TRABD2B: variants seen among roughly 807,000 people sequenced by gnomAD.
The protein encoded by TRABD2B is metalloprotease TIKI2.
A neutral mutation model predicts 40.1 loss-of-function variants in TRABD2B; 14 were observed. The ratio of observed to expected loss-of-function variants is 0.35; its 90% CI spans 0.23 to 0.55. The LOEUF (loss-of-function observed/expected upper bound fraction) is 0.55. TRABD2B is among the 20% of genes least tolerant of loss of function. The pLI, the probability that TRABD2B is intolerant of heterozygous loss-of-function variation, is 0.90. For missense variants in TRABD2B, 541 were observed against 648.6 expected, an observed-to-expected ratio of 0.83 and a Z score of 1.80; for synonymous variants, 263 against 277.0, an observed-to-expected ratio of 0.95 and a Z score of 0.50.
intron 2 of TRABD2B, among the ~76,000 whole-genome samples, chr1:47,802,281 G>A (rs1644833889): frequency 6.6e-6 from 1 of 152,200 alleles, no homozygotes; most frequent in African/African-American, 2.4e-5. Context: ...CTCGCCCTCT[G>A]GGATCAGAGG....
At chr1:47,905,448 G>A (rs764859140) in intron 2 of TRABD2B, among the ~76,000 whole-genome samples, 1 of 152,058 alleles carries the variant, frequency 6.6e-6, no homozygotes, top group Non-Finnish European at 1.5e-5. Flanking sequence ...TTCTGGTTGA[G>A]GTTCTCAGGG....
intron 2 of TRABD2B, among the ~76,000 whole-genome samples, chr1:47,823,543 T>C (rs961428784): frequency 6.6e-6 from 1 of 152,218 alleles, no homozygotes; most frequent in Admixed American, 6.5e-5. Context: ...TGTTCCTCTG[T>C]AGGCATGCCT....
At chr1:47,816,236 C>T (rs2124381209) in intron 2 of TRABD2B, among the ~76,000 whole-genome samples, 1 of 152,310 alleles carries the variant, frequency 6.6e-6, no homozygotes, top group East Asian at 1.9e-4. Context: ...TCCTGAGCAG[C>T]CCTGACCTGA....
At chr1:47,828,299 C>T (rs1427418055) in intron 2 of TRABD2B, among the ~76,000 whole-genome samples, 3 of 152,158 alleles carry the variant, frequency 2.0e-5, no homozygotes, top group Non-Finnish European at 2.9e-5. Flanking sequence ...TCCCCTCCTT[C>T]CTCACAAACA....
intron 2 of TRABD2B, among the ~76,000 whole-genome samples, chr1:47,930,025 T>C (rs893194017): frequency 6.6e-6 from 1 of 152,154 alleles, no homozygotes; most frequent in Non-Finnish European, 1.5e-5. Context: ...CCAATTCTAC[T>C]GTGATACACT....
intron 6 of TRABD2B, among the ~76,000 whole-genome samples, chr1:47,772,055 G>A (rs575017121): frequency 8.6e-5 from 13 of 151,994 alleles, no homozygotes; most frequent in African/African-American, 3.1e-4. Context: ...CCGGCACTGC[G>A]TGGAGGAAGG....
chr1:47,838,029 G>A (rs1023591923), intron 2 of TRABD2B, among the ~76,000 whole-genome samples: 1 of 152,200 alleles, frequency 6.6e-6, no homozygotes, highest in African/African-American at 2.4e-5. Flanking sequence ...TTTCAAGGCT[G>A]GACACCTGCC....
At chr1:47,991,823 C>T (rs1055684671) in intron 2 of TRABD2B, among the ~76,000 whole-genome samples, 2 of 152,114 alleles carry the variant, frequency 1.3e-5, no homozygotes, top group East Asian at 3.9e-4. Context: ...TGCACTAATG[C>T]ATCACAGATG....
chr1:47,846,039 G>C (rs935620577), intron 2 of TRABD2B, among the ~76,000 whole-genome samples: 1 of 152,198 alleles, frequency 6.6e-6, no homozygotes, highest in Non-Finnish European at 1.5e-5. Flanking sequence ...GGGGGTCTGC[G>C]TGAGTAGCCA....
At chr1:47,827,726 C>T (rs1221304325) in intron 2 of TRABD2B, among the ~76,000 whole-genome samples, 1 of 151,972 alleles carries the variant, frequency 6.6e-6, no homozygotes, top group Admixed American at 6.6e-5. Context: ...GAGGTACCCC[C>T]CTTTTTAAAC....
At chr1:47,917,477 C>CT (rs1644845326) in intron 2 of TRABD2B, among the ~76,000 whole-genome samples, 1 of 152,090 alleles carries the variant, frequency 6.6e-6, no homozygotes, top group Admixed American at 6.6e-5. Context: ...TCCCAACACT[C>CT]TGAGAGGCCA....
At chr1:47,952,927 G>T (rs1457256869) in intron 2 of TRABD2B, among the ~76,000 whole-genome samples, 2 of 152,100 alleles carry the variant, frequency 1.3e-5, no homozygotes, top group African/African-American at 4.8e-5. Context: ...GGAAGGTGCG[G>T]GTCTCCTCTT....
chr1:47,822,026 C>T (rs1024965361), intron 2 of TRABD2B, among the ~76,000 whole-genome samples: 1 of 152,144 alleles, frequency 6.6e-6, no homozygotes, highest in East Asian at 1.9e-4. Flanking sequence ...CAAACACGTG[C>T]ATGCACACAC....
intron 4 of TRABD2B, among the ~76,000 whole-genome samples, chr1:47,779,631 C>T (rs1336988610): frequency 6.6e-6 from 1 of 152,046 alleles, no homozygotes; most frequent in Admixed American, 6.5e-5. Flanking sequence ...AGTCAACACT[C>T]TGGGATGTCC....
intron 2 of TRABD2B, among the ~76,000 whole-genome samples, chr1:47,974,591 A>C (rs1347892650): frequency 1.3e-5 from 2 of 152,242 alleles, no homozygotes; most frequent in Non-Finnish European, 2.9e-5. Flanking sequence ...AGGAAAAATA[A>C]ATCTTTTATG....
intron 2 of TRABD2B, among the ~76,000 whole-genome samples, chr1:47,828,066 C>A (rs1409956969): frequency 1.3e-5 from 2 of 152,156 alleles, no homozygotes; most frequent in South Asian, 2.1e-4. Context: ...GGACAATGAG[C>A]CCTTCCTTGC....
intron 2 of TRABD2B, among the ~76,000 whole-genome samples, chr1:47,942,485 G>A (rs1230364343): frequency 2.0e-5 from 3 of 152,136 alleles, no homozygotes; most frequent in Non-Finnish European, 4.4e-5. Context: ...TAGGGTTCAG[G>A]CACTCTGCTG....
chr1:47,914,371 AG>A (rs1644801514), intron 2 of TRABD2B, among the ~76,000 whole-genome samples: 1 of 152,204 alleles, frequency 6.6e-6, no homozygotes, highest in South Asian at 2.1e-4. Context: ...CCTCCCCCTC[AG>A]CTATTTCAGG....
Position 47,775,449 on chromosome 1 carries a change from G to C in TRABD2B, c.1080-10C>G. 1 of 1,234,716 alleles carries C rather than the reference G, an allele frequency of 8.1e-7. No individual in the cohort carries two copies. Among genetic ancestry groups the C allele is most frequent in the Non-Finnish European group, 1.0e-6 (1 of 988,468 alleles). The allele number at this position is 1,234,716 out of a possible 1,614,324, so 76.5% of individuals were successfully genotyped here. ...GCTCTGGGGGGCAGGGCTGGAAAGAGGTAATGGCACATGGGGCACATGTGT... is the reference window on the plus strand; with the variant it reads ...GCTCTGGGGGGCAGGGCTGGAAAGACGTAATGGCACATGGGGCACATGTGT... On this transcript the variant is annotated splice_polypyrimidine_tract_variant and intron_variant, in intron 5 of 6. Coordinates refer to ENST00000606738, the MANE Select transcript of TRABD2B (RefSeq NM_001194986.2).
Sources: gnomAD v4.1 joint callset for allele counts (sites outside exome capture counted in the v4.1 genomes callset) on GRCh38, gnomAD v4.1.1 for gene constraint, MANE v1.5 for transcripts, NCBI Gene and HGNC (gene_info 2026-07-23, HGNC 2026-07-21) for gene names.